Variants in PIK3C2G observed in about 807,000 individuals in gnomAD.
PIK3C2G encodes phosphatidylinositol-4-phosphate 3-kinase catalytic subunit type 2 gamma, also known as phosphatidylinositol 3-kinase C2 domain-containing subunit gamma.
Under a neutral mutation model 181.1 loss-of-function variants are expected in PIK3C2G, and 168 were observed. The observed-to-expected ratio is 0.93, with a 90% CI of 0.82 to 1.05. The LOEUF (loss-of-function observed/expected upper bound fraction) is 1.05. PIK3C2G is among the 50% of genes least tolerant of loss of function. PIK3C2G has a pLI of 0.00. For missense variants in PIK3C2G, 1,869 were observed against 1,732.8 expected, an observed-to-expected ratio of 1.08 and a Z score of -1.40; for synonymous variants, 573 against 592.2, an observed-to-expected ratio of 0.97 and a Z score of 0.47.
chr12:18,480,280 A>G (rs1939424787), intron 18 of PIK3C2G, among the ~76,000 whole-genome samples: 1 of 152,180 alleles, frequency 6.6e-6, no homozygotes, highest in Non-Finnish European at 1.5e-5. Flanking sequence ...AGCTATTCAC[A>G]GCAGAGTGCT....
intron 14 of PIK3C2G, among the ~76,000 whole-genome samples, chr12:18,389,363 A>AG (rs1943390396): frequency 6.6e-6 from 1 of 152,108 alleles, no homozygotes; most frequent in South Asian, 2.1e-4. Flanking sequence ...AAAAAAAAAA[A>AG]AAAGAAATTT....
intron 18 of PIK3C2G, among the ~76,000 whole-genome samples, chr12:18,467,144 A>G (rs908258651): frequency 1.3e-5 from 2 of 152,054 alleles, no homozygotes; most frequent in African/African-American, 4.8e-5. Context: ...TGCACAAATA[A>G]TTTGATACTG....
intron 24 of PIK3C2G, among the ~76,000 whole-genome samples, chr12:18,506,391 A>C (rs1275248209): frequency 6.6e-6 from 1 of 152,168 alleles, no homozygotes; most frequent in Non-Finnish European, 1.5e-5. Context: ...AGTGGTTTTC[A>C]AAAGCTTTCT....
In PIK3C2G at chr12:18,247,720, C is replaced by T. The variant is rs1052710707; in HGVS notation, c.-441C>T. On this transcript the variant is annotated 5_prime_UTR_variant, in exon 1 of 12. Transcript: ENST00000535651. ...TGTCTGCTTCTTATTGTACATATGC[C>T]TGACAAAAGGAAGGGAAGATGGAGC... The T allele has an allele frequency of 3.3e-5, 5 of 152,246 alleles. No homozygotes were observed. The South Asian group carries it at 8.3e-4, about 25-fold the overall frequency. The allele number at this position is 152,246 out of a possible 1,614,324, so 9.4% of individuals were successfully genotyped here. A position where few individuals can be genotyped will look rare whatever the true frequency, so the allele number is the denominator to read the frequency against.
chr12:18,541,804 G>A (rs1944168572), intron 25 of PIK3C2G, among the ~76,000 whole-genome samples: 1 of 151,858 alleles, frequency 6.6e-6, no homozygotes, highest in African/African-American at 2.4e-5. Context: ...CTAGGGGTCA[G>A]AGAAGAGACA....
chr12:18,303,208 TTCTC>T (rs961579506), intron 5 of PIK3C2G, among the ~76,000 whole-genome samples: 3 of 151,136 alleles, frequency 2.0e-5, no homozygotes, highest in Admixed American at 6.6e-5. Flanking sequence ...TTTCCTTTCT[TTCTC>T]TTTTCTTTCC....
At chr12:18,547,467 TTA>T (rs2136278274) in intron 26 of PIK3C2G, among the ~76,000 whole-genome samples, 1 of 152,070 alleles carries the variant, frequency 6.6e-6, no homozygotes, top group Admixed American at 6.6e-5. Flanking sequence ...CCTTTATAGT[TTA>T]TTTATTCTGA....
the PIK3C2G span, among the ~76,000 whole-genome samples, chr12:18,674,777 A>T: frequency 6.6e-6 from 1 of 152,142 alleles, no homozygotes; most frequent in Non-Finnish European, 1.5e-5. Flanking sequence ...TTCTGTAATG[A>T]GTTGAAAGTG....
intron 8 of PIK3C2G, among the ~76,000 whole-genome samples, chr12:18,326,296 G>A (rs995709512): frequency 5.9e-5 from 9 of 152,088 alleles, no homozygotes; most frequent in Non-Finnish European, 1.0e-4. Flanking sequence ...TTCCAGGGAA[G>A]GTTTAGCCTT....
At chr12:18,707,927 C>T in the PIK3C2G span, among the ~76,000 whole-genome samples, 16 of 152,190 alleles carry the variant, frequency 1.1e-4, no homozygotes, top group East Asian at 1.9e-3. Context: ...ATGGAACACA[C>T]GTAGATAGTA....
At chr12:18,346,018 T>C (rs953380305) in intron 10 of PIK3C2G, among the ~76,000 whole-genome samples, 1 of 152,152 alleles carries the variant, frequency 6.6e-6, no homozygotes, top group African/African-American at 2.4e-5. Flanking sequence ...GACAAGTCAC[T>C]TTTAGGAATA....
chr12:18,442,836 T>C (rs1222744463), intron 18 of PIK3C2G, among the ~76,000 whole-genome samples: 1 of 152,140 alleles, frequency 6.6e-6, no homozygotes, highest in Non-Finnish European at 1.5e-5. Context: ...ATCTGAATCA[T>C]TCGGTCTACA....
the PIK3C2G span, among the ~76,000 whole-genome samples, chr12:18,661,698 G>A: frequency 6.6e-6 from 1 of 152,090 alleles, no homozygotes. Flanking sequence ...CTGCTGGTGG[G>A]AAAGAAATTA....
intron 32 of PIK3C2G, among the ~76,000 whole-genome samples, chr12:18,647,327 G>C (rs1406173983): frequency 6.6e-6 from 1 of 151,454 alleles, no homozygotes; most frequent in Non-Finnish European, 1.5e-5. Context: ...ACCAAGGGTA[G>C]AAAAACTACC....
At chr12:18,273,473 T>C (rs901920897) in intron 1 of PIK3C2G, among the ~76,000 whole-genome samples, 2 of 152,120 alleles carry the variant, frequency 1.3e-5, no homozygotes, top group Admixed American at 1.3e-4. Flanking sequence ...TTTGGTTCCA[T>C]ATGAACTTTA....
intron 29 of PIK3C2G, among the ~76,000 whole-genome samples, chr12:18,585,976 A>C (rs978988282): frequency 1.3e-5 from 2 of 152,214 alleles, no homozygotes; most frequent in Non-Finnish European, 2.9e-5. Context: ...TTAAGGCAGA[A>C]ATCAAGAAGT....
intron 31 of PIK3C2G, among the ~76,000 whole-genome samples, chr12:18,615,272 T>C (rs1948542633): frequency 6.6e-6 from 1 of 151,924 alleles, no homozygotes; most frequent in African/African-American, 2.4e-5. Flanking sequence ...TCCAGCTCCA[T>C]GCAGGTTTCT....
chr12:18,359,140 C>T (rs1294635648), intron 11 of PIK3C2G, among the ~76,000 whole-genome samples: 2 of 152,244 alleles, frequency 1.3e-5, no homozygotes, highest in Non-Finnish European at 2.9e-5. Context: ...GCTGTAAGCA[C>T]TGCCAATTCT....
intron 31 of PIK3C2G, among the ~76,000 whole-genome samples, chr12:18,625,739 C>G (rs1447638404): frequency 6.6e-6 from 1 of 151,786 alleles, no homozygotes; most frequent in African/African-American, 2.4e-5. Flanking sequence ...GTGCTATGCC[C>G]TCTTGATGAA....
Sources: gnomAD v4.1 joint callset for allele counts (sites outside exome capture counted in the v4.1 genomes callset) on GRCh38, gnomAD v4.1.1 for gene constraint, MANE v1.5 for transcripts, NCBI Gene and HGNC (gene_info 2026-07-23, HGNC 2026-07-21) for gene names.